Variants in TRIM66 observed in about 807,000 individuals in gnomAD.
TRIM66 encodes the protein tripartite motif containing 66, also known as tripartite motif-containing protein 66.
In TRIM66, 99 loss-of-function variants were observed where a neutral mutation model predicts 148.2. The ratio of observed to expected loss-of-function variants is 0.67; its 90% CI spans 0.57 to 0.79. TRIM66 has a LOEUF of 0.79. Among genes scored for constraint, TRIM66 ranks in the 30% least tolerant of loss-of-function variants. The pLI is 0.00. For synonymous variants in TRIM66, 616 were observed against 635.9 expected (o/e 0.97, Z 0.47); for missense variants, 1,666 against 1,697.9 (o/e 0.98, Z 0.33).
At chr11:8,653,694 C>G (rs1216005525) in intron 6 of TRIM66, among the ~76,000 whole-genome samples, 1 of 151,786 alleles carries the variant, frequency 6.6e-6, no homozygotes, top group African/African-American at 2.4e-5. Flanking sequence ...TTAGAGGTGG[C>G]TTGTTATGCA....
chr11:8,631,779 C>T (rs1217998333), intron 15 of TRIM66, among the ~76,000 whole-genome samples: 4 of 152,202 alleles, frequency 2.6e-5, no homozygotes, highest in Non-Finnish European at 1.5e-5. Flanking sequence ...AGATCAAGAA[C>T]ACCGGCTAGA....
At chr11:8,636,963 C>T (rs1050937925) in intron 15 of TRIM66, among the ~76,000 whole-genome samples, 2 of 152,110 alleles carry the variant, frequency 1.3e-5, no homozygotes, top group Non-Finnish European at 2.9e-5. Flanking sequence ...CCCCTAACTG[C>T]CCCAGGCTTT....
chr11:8,678,849 C>T (rs1175694332), intron 3 of TRIM66, among the ~76,000 whole-genome samples: 2 of 152,194 alleles, frequency 1.3e-5, no homozygotes, highest in Admixed American at 6.5e-5. Flanking sequence ...TCACCAGGGC[C>T]TTCTTCAGGG....
chr11:8,678,475 T>G (rs1443009185), intron 3 of TRIM66, among the ~76,000 whole-genome samples: 1 of 152,198 alleles, frequency 6.6e-6, no homozygotes, highest in African/African-American at 2.4e-5. Context: ...GGTTGAAAGG[T>G]AATACTCAGA....
At position 8,624,694 on chromosome 11, in the gene TRIM66, G is replaced by C. The variant is rs1309884856; in HGVS notation, c.2826+19C>G. The C allele has an allele frequency of 2.7e-6, 4 of 1,485,380 alleles. No homozygotes were observed. The East Asian group carries it at 7.4e-5, about 28-fold the overall frequency. The allele number at this position is 1,485,380 out of a possible 1,614,324, so 92.0% of individuals were successfully genotyped here. A position where few individuals can be genotyped will look rare whatever the true frequency, so the allele number is the denominator to read the frequency against. On this transcript the variant is annotated intron_variant, in intron 16 of 24. Transcript: ENST00000646038. ...ATGATGAACAAAGGAAGTTTGGATA[G>C]CATTTCCCCAGGACTTACCTTACAC...
chr11:8,650,264 T>G (rs1395393091), intron 7 of TRIM66, among the ~76,000 whole-genome samples: 9 of 151,942 alleles, frequency 5.9e-5, no homozygotes, highest in African/African-American at 2.2e-4. Flanking sequence ...TCCCAGCTAC[T>G]AGGGAGACTG....
chr11:8,661,549 C>A (rs1331544223), intron 6 of TRIM66, among the ~76,000 whole-genome samples: 1 of 152,194 alleles, frequency 6.6e-6, no homozygotes, highest in African/African-American at 2.4e-5. Context: ...GACAGAGAGT[C>A]ATTTGGGGAA....
intron 24 of TRIM66, 132 bp from the exon 25 acceptor site, chr11:8,618,135 C>T: frequency 1.1e-6 from 1 of 884,528 alleles, no homozygotes; most frequent in Non-Finnish European, 1.8e-6. Context: ...AGCAGTAAAA[C>T]TTACTGAAGC....
Position 8,624,540 on chromosome 11 carries a change from C to T in TRIM66, c.2838G>A (p.Glu946=), listed in dbSNP as rs1297899278. 4 of 1,524,410 alleles carry T rather than the reference C, an allele frequency of 2.6e-6. No homozygotes were observed. Among genetic ancestry groups the T allele is most frequent in the African/African-American group, 2.8e-5 (2 of 71,272 alleles). 94.4% of individuals were successfully genotyped at this position (1,524,410 alleles called of 1,614,324 possible). A position where few individuals can be genotyped will look rare whatever the true frequency, so the allele number is the denominator to read the frequency against. The change falls in exon 17 of 25, where the codon GAG becomes GAA. Residue 946 remains glutamate (E), a synonymous_variant. Coordinates refer to ENST00000646038, the MANE Select transcript of TRIM66 (RefSeq NM_001388022.1). ...GTAAGTCAGTGAAGCGAGTGGAATC[C>T]TCACTTTCCATCTTTCAAAAGTGAA... ...LENALCKMES[E]DSTRFTDLLG...
At chr11:8,666,960 G>C (rs1333161255) in intron 6 of TRIM66, among the ~76,000 whole-genome samples, 1 of 151,996 alleles carries the variant, frequency 6.6e-6, no homozygotes, top group East Asian at 1.9e-4. Context: ...GCCACCACTG[G>C]TACCTGCCAA....
chr11:8,680,538 A>G (rs2039364962), intron 1 of TRIM66: 1 of 152,242 alleles, frequency 6.6e-6, no homozygotes, highest in Non-Finnish European at 1.5e-5. Context: ...GTAGAAGAAG[A>G]GAAGGCTTGG....
chr11:8,630,611 C>T (rs1420658561), intron 15 of TRIM66, among the ~76,000 whole-genome samples: 1 of 152,106 alleles, frequency 6.6e-6, no homozygotes, highest in Non-Finnish European at 1.5e-5. Flanking sequence ...GAGAGACAAC[C>T]CTGAGCCTAC....
At chr11:8,635,361 G>A (rs1013386445) in intron 15 of TRIM66, among the ~76,000 whole-genome samples, 6 of 152,152 alleles carry the variant, frequency 3.9e-5, no homozygotes, top group Non-Finnish European at 8.8e-5. Context: ...AAATTAGAAC[G>A]ATACTATACA....
chr11:8,640,039 T>C (rs970057686), intron 14 of TRIM66, among the ~76,000 whole-genome samples, 188 bp downstream of exon 14: 2 of 152,202 alleles, frequency 1.3e-5, no homozygotes, highest in African/African-American at 2.4e-5. Flanking sequence ...CTGGGTACTA[T>C]GCTCTCTGGA....
At chr11:8,641,575 T>A (rs1424409803) in intron 13 of TRIM66, among the ~76,000 whole-genome samples, 2 of 152,006 alleles carry the variant, frequency 1.3e-5, no homozygotes, top group Non-Finnish European at 2.9e-5. Flanking sequence ...AATGAACAAG[T>A]TCCCAGATAC....
intron 6 of TRIM66, among the ~76,000 whole-genome samples, chr11:8,670,006 TG>T (rs1565572818): frequency 8.3e-5 from 12 of 144,870 alleles, no homozygotes; most frequent in East Asian, 2.2e-4. Context: ...TGTCTTGTTT[TG>T]TTTTTATTTA....
Position 8,622,822 on chromosome 11 carries a change from C to G in TRIM66, c.3074G>C (p.Ser1025Thr). The part of the protein sequence containing the change: ...ALELDAKENQ[S>T]IRAFNSEHKI... The stretch of plus-strand genomic sequence containing the variant: ...TTAGCCAGAAGGCTGTTACCTGATG[C>G]TCTGGTTCTCTTTTGCATCCAGCTC... The change falls in exon 18 of 25, where the codon AGC becomes ACC. Residue 1025 changes from serine to threonine, a missense_variant. Transcript: ENST00000646038. 1 of 1,551,966 alleles carries G rather than the reference C, an allele frequency of 6.4e-7. No individual in the cohort carries two copies.
Position 8,672,038 on chromosome 11 carries a change from G to A in TRIM66, c.88C>T (p.Pro30Ser), listed in dbSNP as rs917747226. Residue 30 changes from proline (P) to serine (S), a missense_variant, in exon 6 of 25, where the codon CCA becomes TCA. Physicochemically the swap from Pro to Ser is moderately conservative, Grantham distance 74. This residue lies in a region of TRIM66 where 1,431 missense variants were observed against 1,412.4 expected (regional missense o/e 1.01). Coordinates refer to ENST00000646038, the MANE Select transcript of TRIM66 (RefSeq NM_001388022.1). ...FSPEDISGKA[P>S]VLGTGMAVDM... ...ACAGCCATGCCTGTGCCCAGGACTG[G>A]GGCTTTTCCACTGATATCCTCAGGT... 10 of 1,535,824 alleles carry A rather than the reference G, an allele frequency of 6.5e-6. No individual in the cohort carries two copies. In the Admixed American group the frequency reaches 2.0e-4, roughly 30 times the overall value.
intron 7 of TRIM66, among the ~76,000 whole-genome samples, chr11:8,651,514 A>C (rs2037353946): frequency 6.6e-6 from 1 of 152,214 alleles, no homozygotes; most frequent in South Asian, 2.1e-4. Flanking sequence ...AAATAATTAT[A>C]TAGACAGTAA....
Sources: allele counts gnomAD v4.1 joint callset (sites outside exome capture counted in the v4.1 genomes callset), GRCh38; gene constraint gnomAD v4.1.1; regional missense constraint gnomAD v4.1.1; transcripts MANE v1.5; gene names NCBI Gene and HGNC (gene_info 2026-07-23, HGNC 2026-07-21).